Variants in NOS1AP observed in about 807,000 individuals in gnomAD.
The protein encoded by NOS1AP is nitric oxide synthase 1 adaptor protein, also known as carboxyl-terminal PDZ ligand of neuronal nitric oxide synthase protein.
In NOS1AP, 21 loss-of-function variants were observed where a neutral mutation model predicts 56.2. The ratio of observed to expected loss-of-function variants is 0.37; its 90% CI spans 0.26 to 0.54. The LOEUF (loss-of-function observed/expected upper bound fraction) is 0.54. Ranked by LOEUF, NOS1AP falls within the 20% of genes least tolerant of loss-of-function variation. The pLI is 0.84. For synonymous variants in NOS1AP, 270 were observed against 274.6 expected (o/e 0.98, Z 0.17); for missense variants, 522 against 657.8 (o/e 0.79, Z 2.26).
intron 2 of NOS1AP, among the ~76,000 whole-genome samples, chr1:162,220,390 G>T (rs150003562): frequency 1.3e-5 from 2 of 152,166 alleles, no homozygotes; most frequent in African/African-American, 4.8e-5. Flanking sequence ...TTTAGTGGGA[G>T]AGGGAGGTAG....
chr1:162,347,281 C>T (rs138015924), intron 6 of NOS1AP, among the ~76,000 whole-genome samples: 150 of 152,330 alleles, frequency 9.8e-4, no homozygotes, highest in African/African-American at 3.5e-3. Flanking sequence ...TCCTAACTCT[C>T]AGAAGCTTTT....
chr1:162,183,074 T>G (rs1651315573), intron 2 of NOS1AP, among the ~76,000 whole-genome samples: 1 of 152,194 alleles, frequency 6.6e-6, no homozygotes, highest in African/African-American at 2.4e-5. Context: ...ACAATATATT[T>G]CTTAAATAAT....
In NOS1AP at chr1:162,365,561, A is replaced by G; in HGVS notation, c.1097A>G (p.Gln366Arg). 1 of 1,611,600 alleles carries G rather than the reference A, an allele frequency of 6.2e-7. No individual in the cohort carries two copies. Among genetic ancestry groups the G allele is most frequent in the East Asian group, 2.2e-5 (1 of 44,886 alleles). Reference sequence around the variant, plus strand: ...GAGCTGGAACTGAAGCTGTCAGGACAGAACGCCAGTAAGCCAGTGCCCTGC... The same window carrying G: ...GAGCTGGAACTGAAGCTGTCAGGACGGAACGCCAGTAAGCCAGTGCCCTGC... ...VQELELKLSG[Q>R]NAMGSQDSLL... Residue 366 changes from glutamine to arginine, a missense_variant, in exon 9 of 10, where the codon CAG becomes CGG. By Grantham distance (43) the Gln-to-Arg change is conservative. Transcript: ENST00000361897.
Position 162,302,663 on chromosome 1 carries a change from T to C in NOS1AP, c.344+1957T>C, listed in dbSNP as rs181864035. Among the ~76,000 whole-genome samples, 6 of 152,358 alleles carry C rather than the reference T, an allele frequency of 3.9e-5. No homozygotes were observed. The East Asian group carries it at 1.2e-3, about 29-fold the overall frequency. On this transcript the variant is annotated intron_variant, in intron 4 of 9. Transcript: ENST00000361897. ...ACTTTGCTTATTTTTAATAGCTTCA[T>C]TGAGGTATAATTGGCATGCAAAAAT...
At chr1:162,092,372 G>A (rs1692154139) in intron 1 of NOS1AP, among the ~76,000 whole-genome samples, 1 of 152,164 alleles carries the variant, frequency 6.6e-6, no homozygotes, top group South Asian at 2.1e-4. Flanking sequence ...GCTCTCCTGT[G>A]GCAGAATCAA....
intron 2 of NOS1AP, among the ~76,000 whole-genome samples, chr1:162,212,562 GTA>G (rs1376546885): frequency 6.6e-6 from 1 of 152,184 alleles, no homozygotes; most frequent in Non-Finnish European, 1.5e-5. Flanking sequence ...CCCCAGTCTG[GTA>G]ATAGGTGTGT....
At chr1:162,316,116 A>T (rs1373461491) in intron 4 of NOS1AP, among the ~76,000 whole-genome samples, 1 of 152,208 alleles carries the variant, frequency 6.6e-6, no homozygotes, top group South Asian at 2.1e-4. Context: ...TGAATGAACG[A>T]ACGAATGAAT....
chr1:162,356,530 C>T (rs563354651), intron 7 of NOS1AP, among the ~76,000 whole-genome samples: 1 of 152,130 alleles, frequency 6.6e-6, no homozygotes, highest in African/African-American at 2.4e-5. Context: ...GAGGAGGGAG[C>T]CCTAAGGACA....
intron 5 of NOS1AP, among the ~76,000 whole-genome samples, chr1:162,336,112 C>G (rs1188134649): frequency 6.6e-6 from 1 of 152,182 alleles, no homozygotes; most frequent in East Asian, 1.9e-4. Flanking sequence ...TCTAGATTAT[C>G]TAAGTTCCAG....
intron 2 of NOS1AP, among the ~76,000 whole-genome samples, chr1:162,154,894 T>C (rs1334435374): frequency 6.6e-6 from 1 of 152,264 alleles, no homozygotes; most frequent in Admixed American, 6.5e-5. Flanking sequence ...ACTCAGGCAA[T>C]CCACCCACCT....
At chr1:162,119,940 G>A (rs141260488) in intron 1 of NOS1AP, among the ~76,000 whole-genome samples, 43 of 152,254 alleles carry the variant, frequency 2.8e-4, no homozygotes, top group African/African-American at 8.7e-4. Flanking sequence ...GTAACAGTTG[G>A]TATATGGCCA....
chr1:162,268,298 G>A (rs1654486595), intron 2 of NOS1AP, among the ~76,000 whole-genome samples: 1 of 69,742 alleles, frequency 1.4e-5, no homozygotes, highest in African/African-American at 6.0e-5. Context: ...TACCAAACTA[G>A]TGTGGCCCTG....
intron 2 of NOS1AP, among the ~76,000 whole-genome samples, chr1:162,236,460 G>A (rs1456000109): frequency 2.6e-5 from 4 of 152,198 alleles, no homozygotes; most frequent in Non-Finnish European, 5.9e-5. Flanking sequence ...AGCTTGAGCA[G>A]TGTGTCCAGG....
rs1358298054 is a variant in NOS1AP at position 162,243,948 on chromosome 1, A to G, written c.178-43396A>G. On this transcript the variant is annotated intron_variant, in intron 2 of 9. Transcript: ENST00000361897. Reference sequence around the variant, plus strand: ...CTGTGGCCTGTCATTTGAGGGAGTGAGTCCCAGGTTCCCACTACAAGGTGA... The same window carrying G: ...CTGTGGCCTGTCATTTGAGGGAGTGGGTCCCAGGTTCCCACTACAAGGTGA... 6.6e-5 allele frequency among the ~76,000 whole-genome samples: 10 copies of G among 152,180 alleles called. No individual in the cohort carries two copies. In the East Asian group the frequency reaches 1.9e-3, roughly 29 times the overall value.
intron 4 of NOS1AP, among the ~76,000 whole-genome samples, chr1:162,306,433 A>G (rs1490096894): frequency 1.3e-5 from 2 of 152,214 alleles, no homozygotes; most frequent in Non-Finnish European, 2.9e-5. Context: ...TGGAGCTATT[A>G]TGACCTCCAG....
chr1:162,255,712 T>C (rs1654008364), intron 2 of NOS1AP, among the ~76,000 whole-genome samples: 1 of 152,016 alleles, frequency 6.6e-6, no homozygotes, highest in Non-Finnish European at 1.5e-5. Flanking sequence ...TGTAGCATTG[T>C]GAACTCACTG....
chr1:162,130,472 G>C (rs1648702483), intron 1 of NOS1AP, among the ~76,000 whole-genome samples: 1 of 152,212 alleles, frequency 6.6e-6, no homozygotes, highest in South Asian at 2.1e-4. Flanking sequence ...TGAGCATTCA[G>C]CTGCCCTGCT....
chr1:162,083,959 C>A (rs1273743175), intron 1 of NOS1AP, among the ~76,000 whole-genome samples: 1 of 152,172 alleles, frequency 6.6e-6, no homozygotes, highest in Non-Finnish European at 1.5e-5. Flanking sequence ...GTTATAAAAA[C>A]AAAATAATAG....
intron 6 of NOS1AP, among the ~76,000 whole-genome samples, chr1:162,345,483 A>G (rs766999054): frequency 6.6e-5 from 10 of 152,204 alleles, no homozygotes; most frequent in Admixed American, 1.3e-4. Context: ...AGTAAGCTAC[A>G]GTATTCAAAA....
Sources: gnomAD v4.1 joint callset for allele counts (sites outside exome capture counted in the v4.1 genomes callset) on GRCh38, gnomAD v4.1.1 for gene constraint, MANE v1.5 for transcripts, NCBI Gene and HGNC (gene_info 2026-07-23, HGNC 2026-07-21) for gene names.